Variants in ANO10 observed in about 807,000 individuals in gnomAD.
The protein encoded by ANO10 is anoctamin 10.
ANO10 carries 77 observed loss-of-function variants against 74.7 expected under a neutral mutation model. The observed-to-expected ratio is 1.03, with a 90% CI of 0.86 to 1.25. The LOEUF is 1.25. Among genes scored for constraint, ANO10 ranks in the 50% most tolerant of loss-of-function variants. The pLI is 0.00. For synonymous variants in ANO10, 279 were observed against 284.9 expected (o/e 0.98, Z 0.21); for missense variants, 721 against 778.1 (o/e 0.93, Z 0.87).
Position 43,506,814 on chromosome 3 carries a change from T to C in ANO10, c.1797+42906A>G, listed in dbSNP as rs565065749. Among the ~76,000 whole-genome samples, 7 of 152,254 alleles carry C rather than the reference T, an allele frequency of 4.6e-5. No homozygotes were observed. In the East Asian group the frequency reaches 1.2e-3, roughly 25 times the overall value. ...TCTCAGACCAACTTCCTTAAAACTA[T>C]ACCACCACCCCCACCGTGGTACTTC... is the stretch of plus-strand genomic sequence containing the variant. On this transcript the variant is annotated intron_variant, in intron 11 of 12. Coordinates refer to ENST00000292246, the MANE Select transcript of ANO10 (RefSeq NM_018075.5).
intron 11 of ANO10, among the ~76,000 whole-genome samples, chr3:43,546,188 C>T (rs1275575011): frequency 6.6e-6 from 1 of 152,100 alleles, no homozygotes; most frequent in Non-Finnish European, 1.5e-5. Flanking sequence ...CCCATCTGTG[C>T]CAATATAATC....
In ANO10 at chr3:43,462,289, G is replaced by A. The variant is rs148451079; in HGVS notation, c.1798-29562C>T. Among the ~76,000 whole-genome samples, 784 of 152,274 alleles carry A rather than the reference G, an allele frequency of 5.1e-3. 5 individuals carry two copies. Among genetic ancestry groups the A allele is most frequent in the African/African-American group, 0.017 (712 of 41,550 alleles). Reference sequence around the variant, plus strand: ...TTGTCACCCAGGCTGGAGTGCAACGGTACGATCTTGGCTCACTGCAACCTC... The same window carrying A: ...TTGTCACCCAGGCTGGAGTGCAACGATACGATCTTGGCTCACTGCAACCTC... On this transcript the variant is annotated intron_variant, in intron 11 of 12. Transcript: ENST00000292246.
chr3:43,429,039 T>C (rs958043641), intron 12 of ANO10, among the ~76,000 whole-genome samples: 1 of 152,134 alleles, frequency 6.6e-6, no homozygotes, highest in Non-Finnish European at 1.5e-5. Flanking sequence ...ATTAGAGCTT[T>C]GCCTCACTGT....
At chr3:43,662,015 A>T (rs550585149) in intron 1 of ANO10, among the ~76,000 whole-genome samples, 2 of 152,184 alleles carry the variant, frequency 1.3e-5, no homozygotes, top group African/African-American at 4.8e-5. Flanking sequence ...AAAACTAACA[A>T]GGATATCCAG....
At chr3:43,589,000 T>C (rs996484742) in intron 4 of ANO10, among the ~76,000 whole-genome samples, 11 of 152,138 alleles carry the variant, frequency 7.2e-5, no homozygotes, top group African/African-American at 2.7e-4. Context: ...ATTAACAATG[T>C]ATACGTAATA....
At chr3:43,451,071 G>A (rs986666581) in intron 11 of ANO10, among the ~76,000 whole-genome samples, 8 of 152,208 alleles carry the variant, frequency 5.3e-5, no homozygotes, top group African/African-American at 1.9e-4. Flanking sequence ...TTATAATGTC[G>A]AGATTACTTT....
At chr3:43,370,660 G>A (rs1418644644) in intron 12 of ANO10, among the ~76,000 whole-genome samples, 1 of 152,190 alleles carries the variant, frequency 6.6e-6, no homozygotes, top group East Asian at 1.9e-4. Flanking sequence ...TAATAGAGCT[G>A]ACGACTTCTC....
intron 1 of ANO10, chr3:43,690,955 G>C: frequency 6.4e-7 from 1 of 1,551,032 alleles, no homozygotes; most frequent in Non-Finnish European, 8.7e-7. Flanking sequence ...CTGTCAGCCG[G>C]CTTCGAGATA....
At chr3:43,596,768 C>A (rs2082107429) in intron 4 of ANO10, among the ~76,000 whole-genome samples, 1 of 152,174 alleles carries the variant, frequency 6.6e-6, no homozygotes, top group South Asian at 2.1e-4. Context: ...CAAATGGGAT[C>A]TAATTAAACC....
At chr3:43,554,335 A>C (rs999879338) in intron 10 of ANO10, among the ~76,000 whole-genome samples, 1 of 151,874 alleles carries the variant, frequency 6.6e-6, no homozygotes, top group Non-Finnish European at 1.5e-5. Flanking sequence ...CTGGGATTAC[A>C]GGCGCCCAGC....
intron 10 of ANO10, among the ~76,000 whole-genome samples, chr3:43,554,520 T>G (rs1419668097): frequency 6.6e-6 from 1 of 152,142 alleles, no homozygotes; most frequent in Non-Finnish European, 1.5e-5. Context: ...AATAGAAACC[T>G]GGACATGTTA....
At chr3:43,535,059 C>T (rs367816662) in intron 11 of ANO10, among the ~76,000 whole-genome samples, 3 of 150,958 alleles carry the variant, frequency 2.0e-5, no homozygotes, top group South Asian at 2.1e-4. Context: ...CTGTAACCTT[C>T]GCCTCCCAGG....
In ANO10 at chr3:43,484,958, C is replaced by T. The variant is rs1362345255; in HGVS notation, c.1798-52231G>A. On this transcript the variant is annotated intron_variant, in intron 11 of 12. Coordinates refer to ENST00000292246, the MANE Select transcript of ANO10 (RefSeq NM_018075.5). ...TGAGTTTATTTGGGGCCCACCCAGG[C>T]AAGGGCCCTGCACCTAGAAGAAGGT... is the stretch of plus-strand genomic sequence containing the variant. 4 of 1,200,442 alleles carry T rather than the reference C, an allele frequency of 3.3e-6. No homozygotes were observed. In the African/African-American group the frequency reaches 4.6e-5, roughly 14 times the overall value. 74.4% of individuals were successfully genotyped at this position (1,200,442 alleles called of 1,614,324 possible). A position where few individuals can be genotyped will look rare whatever the true frequency, so the allele number is the denominator to read the frequency against.
intron 1 of ANO10, among the ~76,000 whole-genome samples, chr3:43,650,924 A>C (rs926849719): frequency 6.6e-6 from 1 of 152,196 alleles, no homozygotes; most frequent in East Asian, 1.9e-4. Context: ...ATTTCCTTTC[A>C]TAAGGAGCAC....
At chr3:43,605,081 G>A (rs920975804) in intron 2 of ANO10, among the ~76,000 whole-genome samples, 1 of 152,050 alleles carries the variant, frequency 6.6e-6, no homozygotes, top group Non-Finnish European at 1.5e-5. Flanking sequence ...AACACCCGCT[G>A]CTTTCTCACC....
intron 11 of ANO10, among the ~76,000 whole-genome samples, chr3:43,522,822 A>C (rs766343213): frequency 4.6e-5 from 7 of 152,190 alleles, no homozygotes; most frequent in Admixed American, 6.5e-5. Context: ...CACAGGCACA[A>C]CACCATTGGC....
chr3:43,563,215 A>T (rs376816358), intron 8 of ANO10, among the ~76,000 whole-genome samples: 32 of 152,282 alleles, frequency 2.1e-4, no homozygotes, highest in African/African-American at 7.7e-4. Context: ...ATATGAAAAA[A>T]TACTCAACAC....
At chr3:43,392,999 T>G (rs2092307133) in intron 12 of ANO10, among the ~76,000 whole-genome samples, 1 of 152,200 alleles carries the variant, frequency 6.6e-6, no homozygotes, top group Non-Finnish European at 1.5e-5. Context: ...TTGAACTAAT[T>G]TAAATCCAAA....
chr3:43,560,089 CCAGGCTTGCTGAGCA>C (rs1423652911), intron 9 of ANO10, among the ~76,000 whole-genome samples: 2 of 152,190 alleles, frequency 1.3e-5, no homozygotes, highest in East Asian at 3.8e-4. Flanking sequence ...GTAACTGGAG[CCAGGCTTGCTGAGCA>C]AAACCAGGGG....
Sources: allele counts gnomAD v4.1 joint callset (sites outside exome capture counted in the v4.1 genomes callset), GRCh38; gene constraint gnomAD v4.1.1; transcripts MANE v1.5; gene names NCBI Gene and HGNC (gene_info 2026-07-23, HGNC 2026-07-21).